Variants in TAFA1 observed in about 807,000 individuals in gnomAD.
TAFA1 encodes TAFA chemokine like family member 1, also known as chemokine-like protein TAFA-1.
A neutral mutation model predicts 18.5 loss-of-function variants in TAFA1; 4 were observed. The ratio of observed to expected loss-of-function variants is 0.22; its 90% CI spans 0.11 to 0.49. The LOEUF is 0.49. Among genes scored for constraint, TAFA1 ranks in the 20% least tolerant of loss-of-function variants. The probability of loss-of-function intolerance (pLI) is 0.98; values close to 1 mark genes in which losing one functional copy is unlikely to be tolerated. For synonymous variants in TAFA1, 56 were observed against 55.2 expected, an observed-to-expected ratio of 1.01 and a Z score of -0.06; for missense variants, 147 against 169.0, an observed-to-expected ratio of 0.87 and a Z score of 0.72.
intron 3 of TAFA1, among the ~76,000 whole-genome samples, chr3:68,527,713 G>A (rs1276507751): frequency 1.3e-5 from 2 of 152,046 alleles, no homozygotes; most frequent in Non-Finnish European, 2.9e-5. Flanking sequence ...TGCTGCTTTA[G>A]AGTGGGAACT....
At chr3:68,054,614 A>G (rs77889804) in intron 2 of TAFA1, among the ~76,000 whole-genome samples, 1,655 of 152,340 alleles carry the variant, frequency 0.011, 34 homozygotes, top group African/African-American at 0.038. Flanking sequence ...AGACACAGGT[A>G]CACTCATTCA....
chr3:68,539,732 G>T, intron 4 of TAFA1, among the ~76,000 whole-genome samples: 1 of 133,526 alleles, frequency 7.5e-6, no homozygotes, highest in East Asian at 2.4e-4. Flanking sequence ...TGGGGGGAGG[G>T]GGTGCATGCC....
At chr3:68,316,751 G>C (rs192905230) in intron 2 of TAFA1, among the ~76,000 whole-genome samples, 86 of 152,240 alleles carry the variant, frequency 5.6e-4, no homozygotes, top group Middle Eastern at 3.4e-3. Flanking sequence ...CCACATAGTA[G>C]GTCTCAATGA....
intron 3 of TAFA1, among the ~76,000 whole-genome samples, chr3:68,532,222 G>A (rs914211561): frequency 6.6e-6 from 1 of 152,152 alleles, no homozygotes; most frequent in African/African-American, 2.4e-5. Context: ...AAGAATAGGG[G>A]CTCGGGTCTT....
At chr3:68,412,966 T>G (rs1367113339) in intron 2 of TAFA1, among the ~76,000 whole-genome samples, 5 of 151,686 alleles carry the variant, frequency 3.3e-5, no homozygotes, top group Non-Finnish European at 4.4e-5. Flanking sequence ...ACTTCCACAA[T>G]GGTTGAACTA....
intron 2 of TAFA1, among the ~76,000 whole-genome samples, chr3:68,080,398 C>T (rs138628535): frequency 2.0e-5 from 3 of 151,894 alleles, no homozygotes; most frequent in South Asian, 2.1e-4. Flanking sequence ...GATGCAGTTT[C>T]TTCCTAGTCT....
At chr3:68,378,385 GT>G (rs926067094) in intron 2 of TAFA1, among the ~76,000 whole-genome samples, 2 of 152,156 alleles carry the variant, frequency 1.3e-5, no homozygotes, top group Non-Finnish European at 2.9e-5. Context: ...TAACCCCTTT[GT>G]TTTGGCGAAT....
chr3:68,540,441 G>C (rs907359295), intron 4 of TAFA1, among the ~76,000 whole-genome samples: 3 of 152,114 alleles, frequency 2.0e-5, no homozygotes, highest in African/African-American at 7.2e-5. Flanking sequence ...TAGAAGGTGG[G>C]AAATCAGGTT....
chr3:68,334,006 GA>G (rs1240645076), intron 2 of TAFA1, among the ~76,000 whole-genome samples: 1 of 152,196 alleles, frequency 6.6e-6, no homozygotes, highest in Non-Finnish European at 1.5e-5. Context: ...GGAGGTGGGA[GA>G]AATGGGGAGA....
At chr3:68,029,716 T>C (rs936864689) in intron 2 of TAFA1, among the ~76,000 whole-genome samples, 2 of 152,220 alleles carry the variant, frequency 1.3e-5, no homozygotes, top group Non-Finnish European at 2.9e-5. Context: ...TACGTAATAA[T>C]GCCTAGACTT....
At chr3:68,144,601 A>T (rs1054439490) in intron 2 of TAFA1, among the ~76,000 whole-genome samples, 3 of 152,204 alleles carry the variant, frequency 2.0e-5, no homozygotes, top group African/African-American at 7.2e-5. Context: ...TTGTTTCCCC[A>T]TTGGCTACTT....
chr3:68,229,171 G>A (rs1041916890), intron 2 of TAFA1, among the ~76,000 whole-genome samples: 3 of 152,160 alleles, frequency 2.0e-5, no homozygotes, highest in African/African-American at 7.2e-5. Flanking sequence ...TTTTGTGTTG[G>A]AGTAGATTTG....
intron 2 of TAFA1, among the ~76,000 whole-genome samples, chr3:68,291,359 A>T (rs9859149): frequency 1.3e-5 from 2 of 152,130 alleles, no homozygotes; most frequent in Non-Finnish European, 2.9e-5. Context: ...TAGTATTTAC[A>T]TATTTTTTTT....
At chr3:68,386,557 G>T (rs957560096) in intron 2 of TAFA1, among the ~76,000 whole-genome samples, 1 of 152,056 alleles carries the variant, frequency 6.6e-6, no homozygotes, top group Non-Finnish European at 1.5e-5. Flanking sequence ...TCCTGGAGGA[G>T]ACTGGCCTAG....
At chr3:67,994,577 A>T in the TAFA1 span, among the ~76,000 whole-genome samples, 1 of 152,154 alleles carries the variant, frequency 6.6e-6, no homozygotes, top group South Asian at 2.1e-4. Flanking sequence ...GGACTTTCAG[A>T]TTGGTTTGAT....
intron 2 of TAFA1, among the ~76,000 whole-genome samples, chr3:68,259,353 C>T (rs2067363424): frequency 6.6e-6 from 1 of 152,040 alleles, no homozygotes; most frequent in Admixed American, 6.6e-5. Context: ...CTGAGATGTC[C>T]CTTCACAAGA....
chr3:68,131,318 C>T (rs562652126), intron 2 of TAFA1, among the ~76,000 whole-genome samples: 153 of 152,166 alleles, frequency 1.0e-3, no homozygotes, highest in Non-Finnish European at 1.7e-3. Flanking sequence ...CACAGACACA[C>T]GCACACGCAC....
intron 2 of TAFA1, among the ~76,000 whole-genome samples, chr3:68,055,514 C>A (rs1161795121): frequency 6.6e-6 from 1 of 152,080 alleles, no homozygotes; most frequent in Non-Finnish European, 1.5e-5. Context: ...TTAAATAATT[C>A]TTTACTTCTT....
chr3:68,032,521 A>G (rs190862479), intron 2 of TAFA1, among the ~76,000 whole-genome samples: 19 of 152,266 alleles, frequency 1.2e-4, no homozygotes, highest in South Asian at 2.1e-4. Context: ...GTAGTGCAAA[A>G]AGAATTACAT....
Sources: gnomAD v4.1 joint callset for allele counts (sites outside exome capture counted in the v4.1 genomes callset) on GRCh38, gnomAD v4.1.1 for gene constraint, MANE v1.5 for transcripts, NCBI Gene and HGNC (gene_info 2026-07-23, HGNC 2026-07-21) for gene names.